The following MYO16 variants were observed in gnomAD, a reference collection of about 807,000 sequenced individuals.
The protein encoded by MYO16 is myosin XVI.
In MYO16, 94 loss-of-function variants were observed where a neutral mutation model predicts 205.3. That is an observed-to-expected ratio of 0.46 (90% CI 0.39 to 0.54). The LOEUF (loss-of-function observed/expected upper bound fraction) is 0.54, where lower values mean the gene tolerates loss of function less well. Among genes scored for constraint, MYO16 ranks in the 20% least tolerant of loss-of-function variants. MYO16 has a pLI of 0.00. For synonymous variants in MYO16, 988 were observed against 954.0 expected (o/e 1.04, Z -0.66); for missense variants, 2,315 against 2,387.5 (o/e 0.97, Z 0.63).
chr13:109,049,217 A>G (rs1566480951), intron 24 of MYO16, among the ~76,000 whole-genome samples: 2 of 152,064 alleles, frequency 1.3e-5, no homozygotes, highest in East Asian at 3.9e-4. Context: ...GTATTTATAT[A>G]GAGTGACATG....
intron 28 of MYO16, among the ~76,000 whole-genome samples, chr13:109,108,191 CAT>C (rs35840580): frequency 0.013 from 2,018 of 152,268 alleles, 25 homozygotes; most frequent in South Asian, 0.033. Flanking sequence ...CATGTGTGCA[CAT>C]GTGTGTGTTT....
intron 16 of MYO16, among the ~76,000 whole-genome samples, chr13:108,931,812 C>A (rs1178954043): frequency 6.6e-6 from 1 of 152,160 alleles, no homozygotes; most frequent in Non-Finnish European, 1.5e-5. Flanking sequence ...AAAAATTAAT[C>A]CTGCTTAAGG....
At chr13:108,548,356 G>A in the MYO16 span, among the ~76,000 whole-genome samples, 502 of 151,706 alleles carry the variant, frequency 3.3e-3, 4 homozygotes, top group African/African-American at 0.011. Context: ...TGACGCTGAC[G>A]ATGATGATGG....
chr13:108,607,581 G>T (rs1446972089), intron 1 of MYO16, among the ~76,000 whole-genome samples: 2 of 152,170 alleles, frequency 1.3e-5, no homozygotes, highest in African/African-American at 4.8e-5. Flanking sequence ...ACAACTCTGT[G>T]TCAATTAAAC....
chr13:108,851,069 T>C (rs1594343448), intron 10 of MYO16, among the ~76,000 whole-genome samples: 1 of 152,298 alleles, frequency 6.6e-6, no homozygotes, highest in Non-Finnish European at 1.5e-5. Context: ...AAGAAGGATC[T>C]TATTATCTTA....
At chr13:108,759,375 TTTGTC>T (rs972022108) in intron 4 of MYO16, among the ~76,000 whole-genome samples, 72 of 152,322 alleles carry the variant, frequency 4.7e-4, no homozygotes, top group African/African-American at 1.6e-3. Flanking sequence ...CTTTTGGTAT[TTTGTC>T]TTGTTGGCAT....
At chr13:109,079,469 G>A (rs1888215714) in intron 27 of MYO16, among the ~76,000 whole-genome samples, 2 of 151,938 alleles carry the variant, frequency 1.3e-5, no homozygotes, top group African/African-American at 4.8e-5. Flanking sequence ...TTGTGGCAAC[G>A]TGGATGCAGC....
chr13:108,889,061 A>C (rs1295654028), intron 14 of MYO16, among the ~76,000 whole-genome samples: 1 of 151,982 alleles, frequency 6.6e-6, no homozygotes, highest in Non-Finnish European at 1.5e-5. Flanking sequence ...CAAAAAAAAA[A>C]AGAAAAGAAA....
the MYO16 span, among the ~76,000 whole-genome samples, chr13:108,517,381 A>T: frequency 1.3e-5 from 2 of 152,182 alleles, no homozygotes; most frequent in Non-Finnish European, 2.9e-5. Context: ...AAAAATCCTG[A>T]CAGGTTAACA....
chr13:108,497,423 T>G, the MYO16 span, among the ~76,000 whole-genome samples: 2 of 152,242 alleles, frequency 1.3e-5, no homozygotes, highest in African/African-American at 4.8e-5. Flanking sequence ...TGATTAACTT[T>G]TGTAAGCATA....
intron 4 of MYO16, among the ~76,000 whole-genome samples, chr13:108,775,884 G>A (rs1422034480): frequency 3.3e-5 from 5 of 152,086 alleles, no homozygotes; most frequent in African/African-American, 1.2e-4. Context: ...AAGTTTTCTG[G>A]GGCTCTTTGG....
At chr13:108,606,908 C>T (rs1878981683) in intron 1 of MYO16, among the ~76,000 whole-genome samples, 4 of 152,214 alleles carry the variant, frequency 2.6e-5, no homozygotes, top group Admixed American at 2.6e-4. Flanking sequence ...GCCATGGAAG[C>T]CTATCTCTTG....
At chr13:109,002,394 A>G (rs1025407958) in intron 21 of MYO16, among the ~76,000 whole-genome samples, 9 of 152,366 alleles carry the variant, frequency 5.9e-5, no homozygotes, top group South Asian at 2.1e-4. Flanking sequence ...AATACAAATG[A>G]TGAGCCATCT....
chr13:108,946,277 T>G (rs1453832175), intron 16 of MYO16, among the ~76,000 whole-genome samples: 1 of 152,018 alleles, frequency 6.6e-6, no homozygotes, highest in African/African-American at 2.4e-5. Context: ...TTTGTTTCTT[T>G]TGATTTTGGC....
At chr13:109,182,522 A>T (rs1007187671) in intron 34 of MYO16, among the ~76,000 whole-genome samples, 7 of 152,196 alleles carry the variant, frequency 4.6e-5, no homozygotes, top group African/African-American at 1.7e-4. Flanking sequence ...GTCGAAGTTC[A>T]TGTCCTTCCT....
intron 9 of MYO16, among the ~76,000 whole-genome samples, chr13:108,838,603 G>A (rs1031706066): frequency 2.7e-5 from 4 of 150,572 alleles, no homozygotes; most frequent in African/African-American, 9.8e-5. Context: ...GGGAGGCAGA[G>A]GTTGCAGTGA....
chr13:109,106,983 G>A (rs1289946777), intron 28 of MYO16, among the ~76,000 whole-genome samples: 8 of 152,102 alleles, frequency 5.3e-5, no homozygotes, highest in Non-Finnish European at 8.8e-5. Flanking sequence ...TTAAGGATGA[G>A]GAGTCAGACA....
At chr13:109,161,431 CAG>C (rs1461788776) in intron 32 of MYO16, among the ~76,000 whole-genome samples, 1 of 152,162 alleles carries the variant, frequency 6.6e-6, no homozygotes, top group Non-Finnish European at 1.5e-5. Flanking sequence ...AATGTTTACA[CAG>C]AGATTAACTT....
At chr13:109,132,941 G>C (rs541168007) in intron 31 of MYO16, among the ~76,000 whole-genome samples, 5 of 152,286 alleles carry the variant, frequency 3.3e-5, no homozygotes, top group Admixed American at 2.6e-4. Flanking sequence ...TGCACACTGG[G>C]CCACAGAGTG....
Sources: gnomAD v4.1 joint callset for allele counts (sites outside exome capture counted in the v4.1 genomes callset) on GRCh38, gnomAD v4.1.1 for gene constraint, MANE v1.5 for transcripts, NCBI Gene and HGNC (gene_info 2026-07-23, HGNC 2026-07-21) for gene names.